Variants in SHISA9 observed in about 807,000 individuals in gnomAD.
The protein encoded by SHISA9 is protein shisa-9.
In SHISA9, 13 loss-of-function variants were observed where a neutral mutation model predicts 38.0. That is an observed-to-expected ratio of 0.34 (90% CI 0.22 to 0.54). SHISA9 has a LOEUF of 0.54. Ranked by LOEUF, SHISA9 falls within the 20% of genes least tolerant of loss-of-function variation. The pLI is 0.91. For synonymous variants in SHISA9, 275 were observed against 242.0 expected (o/e 1.14, Z -1.27); for missense variants, 538 against 575.8 (o/e 0.93, Z 0.67).
the SHISA9 span, among the ~76,000 whole-genome samples, chr16:13,497,065 A>G: frequency 6.6e-6 from 1 of 152,224 alleles, no homozygotes; most frequent in African/African-American, 2.4e-5. Flanking sequence ...ATCAAGAGAT[A>G]TGAGGAAAAA....
chr16:13,519,210 A>G, the SHISA9 span, among the ~76,000 whole-genome samples: 4 of 152,252 alleles, frequency 2.6e-5, no homozygotes, highest in Non-Finnish European at 5.9e-5. Context: ...CATCAAATAA[A>G]ACAGTGTAAA....
chr16:13,433,316 T>C, the SHISA9 span, among the ~76,000 whole-genome samples: 1 of 152,234 alleles, frequency 6.6e-6, no homozygotes, highest in Non-Finnish European at 1.5e-5. Flanking sequence ...GCATCTCAGT[T>C]GCTCGTCTGT....
intron 2 of SHISA9, among the ~76,000 whole-genome samples, chr16:13,179,272 A>T (rs974511008): frequency 6.6e-6 from 1 of 152,204 alleles, no homozygotes; most frequent in South Asian, 2.1e-4. Context: ...AGATCACACC[A>T]CTGCACCCCA....
At chr16:12,992,964 T>C (rs1423049436) in intron 2 of SHISA9, among the ~76,000 whole-genome samples, 8 of 152,240 alleles carry the variant, frequency 5.3e-5, no homozygotes, top group African/African-American at 1.9e-4. Flanking sequence ...ATAGGAAGAT[T>C]ACGTCAAACT....
the SHISA9 span, among the ~76,000 whole-genome samples, chr16:13,384,205 T>C: frequency 4.2e-4 from 64 of 152,280 alleles, no homozygotes; most frequent in African/African-American, 1.5e-3. Flanking sequence ...AAATTCAGGA[T>C]AGGAACTACA....
At chr16:13,051,007 G>T (rs1211854318) in intron 2 of SHISA9, among the ~76,000 whole-genome samples, 2 of 152,230 alleles carry the variant, frequency 1.3e-5, no homozygotes, top group African/African-American at 2.4e-5. Context: ...CATCTGAACA[G>T]TGAGGTTAAT....
chr16:13,002,603 G>T (rs916886480), intron 2 of SHISA9, among the ~76,000 whole-genome samples: 1 of 149,826 alleles, frequency 6.7e-6, no homozygotes, highest in African/African-American at 2.5e-5. Flanking sequence ...TGTGATCTCG[G>T]ATCACTGCAA....
At chr16:13,121,727 T>C (rs1459124629) in intron 2 of SHISA9, among the ~76,000 whole-genome samples, 1 of 151,962 alleles carries the variant, frequency 6.6e-6, no homozygotes, top group African/African-American at 2.4e-5. Flanking sequence ...GGAAGGGGAA[T>C]GGGCAATTTC....
chr16:13,219,865 G>A (rs1391660166), intron 4 of SHISA9, among the ~76,000 whole-genome samples: 1 of 152,180 alleles, frequency 6.6e-6, no homozygotes, highest in East Asian at 1.9e-4. Flanking sequence ...GGCTGAGGCA[G>A]AAGAATCACT....
chr16:13,410,749 C>T, the SHISA9 span, among the ~76,000 whole-genome samples: 2 of 152,266 alleles, frequency 1.3e-5, no homozygotes, highest in South Asian at 2.1e-4. Flanking sequence ...AATTAGATCA[C>T]TTGTTTGCTC....
At chr16:13,480,072 G>T in the SHISA9 span, among the ~76,000 whole-genome samples, 6 of 152,288 alleles carry the variant, frequency 3.9e-5, no homozygotes, top group East Asian at 1.2e-3. Flanking sequence ...TTAACTAACA[G>T]CAAAGACTAG....
chr16:13,220,485 G>A (rs1291200080), intron 4 of SHISA9, among the ~76,000 whole-genome samples: 1 of 152,138 alleles, frequency 6.6e-6, no homozygotes, highest in Non-Finnish European at 1.5e-5. Flanking sequence ...TCTAACATAG[G>A]ATCCCAAATC....
intron 2 of SHISA9, among the ~76,000 whole-genome samples, chr16:13,033,991 T>C (rs189816741): frequency 1.3e-5 from 2 of 152,034 alleles, no homozygotes. Context: ...ACTAAAAATA[T>C]GAAGATTAGC....
At chr16:13,292,112 G>A in the SHISA9 span, among the ~76,000 whole-genome samples, 1 of 151,444 alleles carries the variant, frequency 6.6e-6, no homozygotes, top group African/African-American at 2.4e-5. Flanking sequence ...GAGACCAAGT[G>A]TGGAGACATC....
chr16:13,424,240 C>G, the SHISA9 span, among the ~76,000 whole-genome samples: 267 of 152,282 alleles, frequency 1.8e-3, 1 homozygote, highest in African/African-American at 6.2e-3. Context: ...AGGAAGTAAT[C>G]TGTTACAGTG....
the SHISA9 span, among the ~76,000 whole-genome samples, chr16:13,358,425 C>G: frequency 1.3e-5 from 2 of 152,112 alleles, no homozygotes; most frequent in African/African-American, 4.8e-5. Context: ...ATGTTCCCTT[C>G]GCTGTGTCCA....
chr16:13,192,249 G>A (rs1376932782), intron 2 of SHISA9, among the ~76,000 whole-genome samples: 1 of 152,144 alleles, frequency 6.6e-6, no homozygotes, highest in Non-Finnish European at 1.5e-5. Flanking sequence ...AAAGGAGTGA[G>A]TGTTGAAGAT....
chr16:12,945,789 C>G (rs36003628), intron 2 of SHISA9, among the ~76,000 whole-genome samples: 118 of 152,168 alleles, frequency 7.8e-4, no homozygotes, highest in African/African-American at 2.7e-3. Context: ...TATACATACA[C>G]ATCTCCTTTT....
chr16:13,272,799 T>C, the SHISA9 span, among the ~76,000 whole-genome samples: 5 of 152,160 alleles, frequency 3.3e-5, no homozygotes, highest in East Asian at 5.8e-4. Flanking sequence ...AAACCTGTTA[T>C]CTTTCTCTCT....
Sources: allele counts gnomAD v4.1 joint callset (sites outside exome capture counted in the v4.1 genomes callset), GRCh38; gene constraint gnomAD v4.1.1; transcripts MANE v1.5; gene names NCBI Gene and HGNC (gene_info 2026-07-23, HGNC 2026-07-21).